Variants in CECR2 observed in about 807,000 individuals in gnomAD.
The protein encoded by CECR2 is CECR2 histone acetyl-lysine reader, also known as chromatin remodeling regulator CECR2.
CECR2 carries 30 observed loss-of-function variants against 154.5 expected under a neutral mutation model. The observed-to-expected ratio is 0.19, with a 90% CI of 0.15 to 0.26. The LOEUF is 0.26. Ranked by LOEUF, CECR2 falls within the 10% of genes least tolerant of loss-of-function variation. CECR2 has a pLI of 1.00. For synonymous variants in CECR2, 725 were observed against 683.7 expected (o/e 1.06, Z -0.94); for missense variants, 1,743 against 1,829.3 (o/e 0.95, Z 0.86).
intron 1 of CECR2, among the ~76,000 whole-genome samples, chr22:17,439,347 A>C (rs2054551562): frequency 6.6e-6 from 1 of 152,180 alleles, no homozygotes; most frequent in African/African-American, 2.4e-5. Context: ...ATTTATACTA[A>C]TGGGTGGTAG....
intron 1 of CECR2, among the ~76,000 whole-genome samples, chr22:17,457,604 TGCTCAGTAAAC>T (rs2054874465): frequency 6.6e-6 from 1 of 152,228 alleles, no homozygotes; most frequent in South Asian, 2.1e-4. Context: ...TGCACATGAG[TGCTCAGTAAAC>T]ATTTGTTAAG....
chr22:17,378,962 C>T (rs2063153475), intron 1 of CECR2, among the ~76,000 whole-genome samples: 1 of 151,952 alleles, frequency 6.6e-6, no homozygotes, highest in South Asian at 2.1e-4. Flanking sequence ...TAATTTTTTT[C>T]TTTCTTTGAG....
intron 9 of CECR2, among the ~76,000 whole-genome samples, chr22:17,536,083 T>A (rs1449572305): frequency 6.6e-6 from 1 of 151,960 alleles, no homozygotes; most frequent in Non-Finnish European, 1.5e-5. Context: ...ACCCCATCCC[T>A]ACTAAAAATA....
chr22:17,536,863 A>G (rs1413031235), intron 9 of CECR2, among the ~76,000 whole-genome samples: 1 of 151,800 alleles, frequency 6.6e-6, no homozygotes, highest in African/African-American at 2.4e-5. Flanking sequence ...TGCCACCTTC[A>G]TCTCCCACCT....
intron 17 of CECR2, among the ~76,000 whole-genome samples, chr22:17,551,677 A>G (rs1263190634): frequency 6.6e-6 from 1 of 152,160 alleles, no homozygotes; most frequent in Non-Finnish European, 1.5e-5. Context: ...CAGGCATGGT[A>G]GCACACACTA....
At chr22:17,516,825 C>T (rs867341675) in intron 8 of CECR2, among the ~76,000 whole-genome samples, 1 of 151,508 alleles carries the variant, frequency 6.6e-6, no homozygotes, top group Non-Finnish European at 1.5e-5. Context: ...AACACCCGAC[C>T]TCAGGTGAAA....
Position 17,549,339 on chromosome 22 carries a change from C to A in CECR2, c.4052C>A (p.Pro1351His). ...CTGCAGACGGGGCCTCCCTATACCC[C>A]TCAGCGGCCGGCCAGTCACTTTCAG... ...VMLQTGPPYTPQRPASHFQPR... is the reference protein window; with the variant it reads ...VMLQTGPPYTHQRPASHFQPR... The change falls in exon 17 of 19, where the codon CCT (proline) becomes CAT (histidine). Residue 1351 changes from proline (P) to histidine (H), a missense_variant. By Grantham distance (77) the Pro-to-His change is moderately conservative (BLOSUM62 -2). Coordinates refer to ENST00000262608, the MANE Select transcript of CECR2 (RefSeq NM_001290047.2). 2.5e-6 allele frequency: 4 copies of A among 1,613,996 alleles called. No individual in the cohort carries two copies. Among genetic ancestry groups the A allele is most frequent in the Non-Finnish European group, 3.4e-6 (4 of 1,179,888 alleles).
At chr22:17,454,435 C>A (rs1269412912) in intron 1 of CECR2, among the ~76,000 whole-genome samples, 2 of 151,892 alleles carry the variant, frequency 1.3e-5, no homozygotes, top group Non-Finnish European at 2.9e-5. Context: ...GAAACCCCAT[C>A]TCTACCAAAA....
intron 1 of CECR2, among the ~76,000 whole-genome samples, chr22:17,464,729 C>T (rs1456446215): frequency 1.3e-5 from 2 of 152,006 alleles, no homozygotes; most frequent in South Asian, 2.1e-4. Flanking sequence ...TTAAACTCCT[C>T]GACTCAAGCA....
rs1453017595 is a variant in CECR2 at position 17,541,322 on chromosome 22, C to T, written c.1885-517C>T. On this transcript the variant is annotated intron_variant, in intron 14 of 18. Coordinates refer to ENST00000262608, the MANE Select transcript of CECR2 (RefSeq NM_001290047.2). Reference sequence around the variant, plus strand: ...TACAAAAATTAGTCAGGTGTGGTGGCGCTACTCAGCTACTCAGGAGGCTGA... The same window carrying T: ...TACAAAAATTAGTCAGGTGTGGTGGTGCTACTCAGCTACTCAGGAGGCTGA... Among the ~76,000 whole-genome samples the T allele has an allele frequency of 2.0e-5, 3 of 152,038 alleles. No homozygotes were observed. The East Asian group carries it at 5.8e-4, about 29-fold the overall frequency.
rs150117234 is a variant in CECR2, at chr22:17,470,097, A to G, written c.127-7491A>G. ...CTGAGCTGATTGAATTGATTCAATCACAGGAACCTACCACACTCAAAGACA... is the reference window on the plus strand; with the variant it reads ...CTGAGCTGATTGAATTGATTCAATCGCAGGAACCTACCACACTCAAAGACA... On this transcript the variant is annotated intron_variant, in intron 1 of 18. Transcript: ENST00000262608. Among the ~76,000 whole-genome samples, 264 of 152,252 alleles carry G rather than the reference A, an allele frequency of 1.7e-3. 2 individuals carry two copies. Among genetic ancestry groups the G allele is most frequent in the African/African-American group, 5.9e-3 (246 of 41,548 alleles).
chr22:17,495,601 G>A lies in CECR2; in HGVS notation c.222-1802G>A, dbSNP rs573911692. Among the ~76,000 whole-genome samples the A allele has an allele frequency of 1.3e-4, 19 of 144,988 alleles. No individual in the cohort carries two copies. In the East Asian group the frequency reaches 2.7e-3, roughly 21 times the overall value. ...AAAAAAAACGGGTGTGGTGGCTCAC[G>A]CCTGTAATCCCAGCACTTCGGGAGG... On this transcript the variant is annotated intron_variant, in intron 2 of 18. Coordinates refer to ENST00000262608, the MANE Select transcript of CECR2 (RefSeq NM_001290047.2).
chr22:17,408,098 T>G (rs920911294), intron 1 of CECR2, among the ~76,000 whole-genome samples: 1 of 152,164 alleles, frequency 6.6e-6, no homozygotes, highest in African/African-American at 2.4e-5. Flanking sequence ...TTAAAGTGTA[T>G]GATTCAGTCA....
intron 1 of CECR2, among the ~76,000 whole-genome samples, chr22:17,401,565 A>T (rs759003204): frequency 6.6e-6 from 1 of 151,760 alleles, no homozygotes; most frequent in Admixed American, 6.6e-5. Flanking sequence ...TTTACATGAG[A>T]TATACGCTCT....
At position 17,364,362 on chromosome 22, in the gene CECR2, A is replaced by AAAAAAAAAAAAAAG. The variant is rs1491212019; in HGVS notation, c.-364+4339_-364+4340insAAAAAAAAAAAAAG. ...TGTCTCAAAAAAAAAAAAAAAAAAA[A>AAAAAAAAAAAAAAG]GAATTTGTGCCATACTTGGGCTTAG... is the stretch of plus-strand genomic sequence containing the variant. On this transcript the variant is annotated intron_variant, in intron 1 of 18. Coordinates refer to the CECR2 transcript ENST00000400585. Among the ~76,000 whole-genome samples, 7 of 133,412 alleles carry AAAAAAAAAAAAAAG rather than the reference A, an allele frequency of 5.2e-5. 2 individuals are homozygous for AAAAAAAAAAAAAAG. Among genetic ancestry groups the AAAAAAAAAAAAAAG allele is most frequent in the African/African-American group, 2.3e-4 (7 of 30,318 alleles). 87.5% of individuals were successfully genotyped at this position (133,412 alleles called of 152,430 possible).
intron 2 of CECR2, among the ~76,000 whole-genome samples, chr22:17,479,092 A>G (rs1158690164): frequency 6.6e-6 from 1 of 152,202 alleles, no homozygotes; most frequent in Non-Finnish European, 1.5e-5. Context: ...CTGACAAGTT[A>G]TGTCTAGCTT....
intron 1 of CECR2, among the ~76,000 whole-genome samples, chr22:17,372,377 A>G (rs1179396905): frequency 1.3e-5 from 2 of 152,184 alleles, no homozygotes; most frequent in Non-Finnish European, 2.9e-5. Flanking sequence ...AGATTTAAGA[A>G]TGTATTTTCT....
intron 1 of CECR2, among the ~76,000 whole-genome samples, chr22:17,424,953 G>A (rs182503970): frequency 3.3e-5 from 5 of 152,304 alleles, no homozygotes; most frequent in East Asian, 3.9e-4. Context: ...CAGAGAGGTC[G>A]AAGACAAGGC....
chr22:17,545,842 C>CAAA (rs112121132), intron 16 of CECR2, among the ~76,000 whole-genome samples: 6 of 89,608 alleles, frequency 6.7e-5, no homozygotes, highest in South Asian at 3.7e-4. Context: ...GACTCCGTCT[C>CAAA]AAAAAAAAAA....
Sources: gnomAD v4.1 joint callset for allele counts (sites outside exome capture counted in the v4.1 genomes callset) on GRCh38, gnomAD v4.1.1 for gene constraint, MANE v1.5 for transcripts, NCBI Gene and HGNC (gene_info 2026-07-23, HGNC 2026-07-21) for gene names.